Variants in GALNT1 observed in about 807,000 individuals in gnomAD.
GALNT1 encodes the protein GalNAc transferase 1.
Under a neutral mutation model 65.7 loss-of-function variants are expected in GALNT1, and 17 were observed. The ratio of observed to expected loss-of-function variants is 0.26; its 90% CI spans 0.18 to 0.39. The LOEUF (loss-of-function observed/expected upper bound fraction) is 0.39, where lower values mean the gene tolerates loss of function less well. Among genes scored for constraint, GALNT1 ranks in the 10% least tolerant of loss-of-function variants. The pLI, the probability that GALNT1 is intolerant of heterozygous loss-of-function variation, is 1.00. For synonymous variants in GALNT1, 210 were observed against 219.7 expected (o/e 0.96, Z 0.39); for missense variants, 460 against 672.8 (o/e 0.68, Z 3.50).
At chr18:35,627,587 G>T (rs7242131) in intron 1 of GALNT1, 14,278 of 151,954 alleles carry the variant, frequency 0.094, 750 homozygotes, top group Admixed American at 0.17. Flanking sequence ...TATGTTGATT[G>T]GGGGGGCGGT....
intron 9 of GALNT1, among the ~76,000 whole-genome samples, chr18:35,698,895 T>C (rs1338908745): frequency 4.6e-5 from 7 of 151,994 alleles, no homozygotes; most frequent in African/African-American, 1.5e-4. Context: ...AGGCAGAGAA[T>C]TGCTTGAACC....
intron 1 of GALNT1, among the ~76,000 whole-genome samples, chr18:35,628,347 C>T (rs932908125): frequency 4.6e-5 from 7 of 152,244 alleles, no homozygotes; most frequent in East Asian, 1.9e-4. Flanking sequence ...TTCACACGGC[C>T]GGGTACCCCT....
chr18:35,598,255 G>A (rs765831983), intron 1 of GALNT1, among the ~76,000 whole-genome samples: 26 of 151,814 alleles, frequency 1.7e-4, no homozygotes, highest in African/African-American at 2.7e-4. Flanking sequence ...GGCTGGTCTC[G>A]AACTCCTGAC....
chr18:35,686,878 C>A, intron 5 of GALNT1, 138 bp from the exon 6 acceptor site: 1 of 714,972 alleles, frequency 1.4e-6, no homozygotes, highest in Non-Finnish European at 2.1e-6. Flanking sequence ...GCATTCCAGC[C>A]TGGGTGGTGA....
Position 35,613,359 on chromosome 18 carries a change from G to A in GALNT1, c.-104+31497G>A, listed in dbSNP as rs188263032. 7.2e-3 allele frequency among the ~76,000 whole-genome samples: 1,089 copies of A among 152,032 alleles called. 13 individuals are homozygous for A. Among genetic ancestry groups the A allele is most frequent in the African/African-American group, 0.024 (1,011 of 41,480 alleles). ...TTTCTGGCAGCGTGGCAGAGTAGAG[G>A]TTAAAAAAAAGGTCCCACATTATGA... is the stretch of plus-strand genomic sequence containing the variant. On this transcript the variant is annotated intron_variant, in intron 1 of 11. Coordinates refer to ENST00000269195, the MANE Select transcript of GALNT1 (RefSeq NM_020474.4).
intron 1 of GALNT1, among the ~76,000 whole-genome samples, chr18:35,590,942 T>C (rs1401991128): frequency 6.6e-6 from 1 of 152,162 alleles, no homozygotes; most frequent in Non-Finnish European, 1.5e-5. Context: ...GTAACAGAAC[T>C]GATATAGGGA....
At chr18:35,673,026 T>C (rs1234190123) in intron 3 of GALNT1, among the ~76,000 whole-genome samples, 2 of 152,174 alleles carry the variant, frequency 1.3e-5, no homozygotes, top group Non-Finnish European at 2.9e-5. Context: ...TCTGAATCAC[T>C]ATGCTTTGCC....
intron 1 of GALNT1, among the ~76,000 whole-genome samples, chr18:35,632,816 A>G (rs182111444): frequency 0.013 from 1,964 of 152,350 alleles, 46 homozygotes; most frequent in African/African-American, 0.045. Flanking sequence ...CAAAGGGCTA[A>G]TATCCAGAAT....
At chr18:35,617,672 A>T (rs1410570450) in intron 1 of GALNT1, among the ~76,000 whole-genome samples, 1 of 152,200 alleles carries the variant, frequency 6.6e-6, no homozygotes, top group Non-Finnish European at 1.5e-5. Context: ...TTCAGTATAG[A>T]TCCTTTAAAA....
rs150526807 is a variant in GALNT1 at position 35,650,626 on chromosome 18, C to G, written c.-103-3934C>G. Reference sequence around the variant, plus strand: ...TTCAGAGACCCCTTGGGAAACCATTCTCTTTCTCAGGGATGGTCCTTGCTG... The same window carrying G: ...TTCAGAGACCCCTTGGGAAACCATTGTCTTTCTCAGGGATGGTCCTTGCTG... On this transcript the variant is annotated intron_variant, in intron 1 of 11. Coordinates refer to ENST00000269195, the MANE Select transcript of GALNT1 (RefSeq NM_020474.4). 6.0e-4 allele frequency among the ~76,000 whole-genome samples: 91 copies of G among 152,312 alleles called. 1 individual carries two copies. The East Asian group carries it at 0.01, about 17-fold the overall frequency.
intron 1 of GALNT1, among the ~76,000 whole-genome samples, chr18:35,618,156 T>C (rs1312868256): frequency 1.3e-5 from 2 of 152,118 alleles, no homozygotes; most frequent in African/African-American, 4.8e-5. Flanking sequence ...TGAGATAGCA[T>C]TATGTGCAGT....
chr18:35,641,789 A>G (rs1291681664), intron 1 of GALNT1, among the ~76,000 whole-genome samples: 4 of 152,244 alleles, frequency 2.6e-5, no homozygotes, highest in African/African-American at 9.6e-5. Flanking sequence ...GTGATATCTG[A>G]TCATATTGAA....
chr18:35,619,344 C>G (rs549632467), intron 1 of GALNT1, among the ~76,000 whole-genome samples: 1 of 152,066 alleles, frequency 6.6e-6, no homozygotes, highest in East Asian at 1.9e-4. Flanking sequence ...AGTTAGTAAC[C>G]TAGTAACATC....
At chr18:35,622,909 CTTTGT>C (rs1053598192) in intron 1 of GALNT1, among the ~76,000 whole-genome samples, 7 of 151,788 alleles carry the variant, frequency 4.6e-5, no homozygotes, top group Non-Finnish European at 2.9e-5. Flanking sequence ...TCCATGAGTT[CTTTGT>C]TTTAAGTGTC....
chr18:35,690,256 T>A (rs576905179), intron 7 of GALNT1, among the ~76,000 whole-genome samples: 1 of 152,246 alleles, frequency 6.6e-6, no homozygotes, highest in South Asian at 2.1e-4. Context: ...CAAAACATGC[T>A]TTTACTGTCT....
chr18:35,630,607 A>T (rs974917290), intron 1 of GALNT1, among the ~76,000 whole-genome samples: 5 of 152,230 alleles, frequency 3.3e-5, no homozygotes, highest in African/African-American at 9.7e-5. Flanking sequence ...AGCAGGAAAG[A>T]TCCAAAATTG....
chr18:35,612,520 A>G (rs1391419183), intron 1 of GALNT1, among the ~76,000 whole-genome samples: 1 of 152,154 alleles, frequency 6.6e-6, no homozygotes, highest in East Asian at 1.9e-4. Context: ...AGCATTTCCA[A>G]TTAATATTAA....
chr18:35,657,583 G>C (rs777593982), intron 2 of GALNT1, among the ~76,000 whole-genome samples: 4 of 152,166 alleles, frequency 2.6e-5, no homozygotes, highest in Non-Finnish European at 5.9e-5. Context: ...GGAAGAGAAG[G>C]CTTCCCAGGA....
At chr18:35,649,675 T>C (rs2047284312) in intron 1 of GALNT1, among the ~76,000 whole-genome samples, 1 of 152,224 alleles carries the variant, frequency 6.6e-6, no homozygotes, top group Admixed American at 6.5e-5. Flanking sequence ...GCCTAAGGTC[T>C]CAGGGTCTCA....
Sources: allele counts gnomAD v4.1 joint callset (sites outside exome capture counted in the v4.1 genomes callset), GRCh38; gene constraint gnomAD v4.1.1; transcripts MANE v1.5; gene names NCBI Gene and HGNC (gene_info 2026-07-23, HGNC 2026-07-21).